RBPJ: variants seen among roughly 807,000 people sequenced by gnomAD.
RBPJ encodes the protein recombining binding protein suppressor of hairless.
RBPJ carries 9 observed loss-of-function variants against 67.8 expected under a neutral mutation model. That is an observed-to-expected ratio of 0.13 (90% CI 0.08 to 0.23). The LOEUF (loss-of-function observed/expected upper bound fraction) is 0.23, where lower values mean the gene tolerates loss of function less well. Ranked by LOEUF, RBPJ falls within the 10% of genes least tolerant of loss-of-function variation. RBPJ has a pLI of 1.00. For synonymous variants in RBPJ, 198 were observed against 203.3 expected, an observed-to-expected ratio of 0.97 and a Z score of 0.22; for missense variants, 305 against 595.6, an observed-to-expected ratio of 0.51 and a Z score of 5.08.
chr4:26,406,372 C>T (rs1222554004), intron 3 of RBPJ, 102 bp downstream of exon 3: 1 of 723,302 alleles, frequency 1.4e-6, no homozygotes, highest in African/African-American at 1.8e-5. Context: ...TTACTGGGTT[C>T]ATTTGCTAGT....
intron 1 of RBPJ, among the ~76,000 whole-genome samples, chr4:26,226,798 C>T (rs762966786): frequency 3.3e-5 from 5 of 152,104 alleles, no homozygotes; most frequent in Non-Finnish European, 7.3e-5. Flanking sequence ...ATGGATACCA[C>T]ACATAACCAA....
At chr4:26,252,339 T>G (rs1306574599) in intron 1 of RBPJ, among the ~76,000 whole-genome samples, 2 of 152,180 alleles carry the variant, frequency 1.3e-5, no homozygotes, top group Non-Finnish European at 2.9e-5. Context: ...GTCATGCATG[T>G]AGTCCCAGCA....
chr4:26,145,031 T>TTC, the RBPJ span, among the ~76,000 whole-genome samples: 3 of 139,964 alleles, frequency 2.1e-5, no homozygotes, highest in Non-Finnish European at 3.1e-5. Context: ...TCTTCTTCTT[T>TTC]TTTTTTTTTT....
chr4:26,256,357 T>C (rs868845093), intron 1 of RBPJ, among the ~76,000 whole-genome samples: 18 of 152,100 alleles, frequency 1.2e-4, no homozygotes, highest in African/African-American at 4.3e-4. Context: ...ACTGACAGGA[T>C]TGATGAAAAC....
At chr4:26,217,815 G>C (rs1718766842) in intron 1 of RBPJ, among the ~76,000 whole-genome samples, 1 of 152,178 alleles carries the variant, frequency 6.6e-6, no homozygotes, top group South Asian at 2.1e-4. Context: ...AGCTGGGGCT[G>C]TCTTCAGAGT....
chr4:26,405,995 A>G (rs1157450646), intron 2 of RBPJ, among the ~76,000 whole-genome samples, 180 bp from the exon 3 acceptor site: 1 of 152,218 alleles, frequency 6.6e-6, no homozygotes, highest in Middle Eastern at 3.2e-3. Context: ...TATTCATTGT[A>G]TCATTGTATA....
intron 1 of RBPJ, among the ~76,000 whole-genome samples, chr4:26,216,675 G>A (rs1262579150): frequency 6.6e-6 from 1 of 152,162 alleles, no homozygotes; most frequent in East Asian, 1.9e-4. Flanking sequence ...AGCATTTTGG[G>A]AGGCTGAGGC....
intron 1 of RBPJ, among the ~76,000 whole-genome samples, chr4:26,231,829 G>A (rs562499742): frequency 1.8e-4 from 27 of 150,664 alleles, no homozygotes; most frequent in African/African-American, 5.6e-4. Context: ...GATTATAAGC[G>A]TGAGCCACTG....
At chr4:26,295,320 C>T (rs1384181861) in intron 1 of RBPJ, among the ~76,000 whole-genome samples, 3 of 151,530 alleles carry the variant, frequency 2.0e-5, no homozygotes, top group East Asian at 1.9e-4. Flanking sequence ...CATGCACATA[C>T]GTGTGAGGGA....
intron 2 of RBPJ, among the ~76,000 whole-genome samples, chr4:26,399,781 G>A (rs1013255153): frequency 8.5e-5 from 13 of 152,054 alleles, no homozygotes; most frequent in African/African-American, 2.2e-4. Context: ...CGCCTCCTGG[G>A]TTCAAGCAAT....
chr4:26,379,156 C>G (rs1577563969), intron 1 of RBPJ, among the ~76,000 whole-genome samples: 1 of 152,116 alleles, frequency 6.6e-6, no homozygotes, highest in Non-Finnish European at 1.5e-5. Flanking sequence ...TCTTTGAAAT[C>G]TACCCCATAG....
At position 26,264,845 on chromosome 4, in the gene RBPJ, A is replaced by T. The variant is rs1487413002; in HGVS notation, c.-166-97601A>T. ...CCTTAAGTTATTGTAGAGGCAAAGA[A>T]AATTTCCTTCTCCTTTTGAAGGTTC... On this transcript the variant is annotated intron_variant, in intron 1 of 4. Transcript: ENST00000512351. This position sits in a 1 kb window ranked among gnomAD's most constrained non-coding sequence, Gnocchi z 4.1. 2.0e-5 allele frequency among the ~76,000 whole-genome samples: 3 copies of T among 152,194 alleles called. No homozygotes were observed.
chr4:26,392,654 G>A (rs895256288), intron 2 of RBPJ, among the ~76,000 whole-genome samples: 1 of 152,218 alleles, frequency 6.6e-6, no homozygotes, highest in Admixed American at 6.5e-5. Flanking sequence ...GTGGTTTCCT[G>A]GGGATAGGGG....
rs1024158447 is a variant in RBPJ at position 26,434,450 on chromosome 4, G to C, written c.*3443G>C. 2.0e-5 allele frequency: 3 copies of C among 151,958 alleles called. No homozygotes were observed. The East Asian group carries it at 5.8e-4, about 29-fold the overall frequency. 9.4% of individuals were successfully genotyped at this position (151,958 alleles called of 1,614,324 possible). On this transcript the variant is annotated 3_prime_UTR_variant, in exon 11 of 11. Coordinates refer to ENST00000355476, the MANE Select transcript of RBPJ (RefSeq NM_015874.6). ...CCAAGTTACTTTGATTGCAAAAGCA[G>C]CTGTGTTTCTGATAAGTACTGAACA...
chr4:26,427,115 C>T (rs1002388829), intron 7 of RBPJ, among the ~76,000 whole-genome samples: 7 of 152,110 alleles, frequency 4.6e-5, no homozygotes, highest in African/African-American at 1.7e-4. Context: ...TTGATGCTAT[C>T]TTAGACCCAG....
the RBPJ span, among the ~76,000 whole-genome samples, chr4:26,109,477 T>TACAC: frequency 1.9e-5 from 1 of 53,006 alleles, no homozygotes; most frequent in African/African-American, 1.0e-4. Context: ...TATATATATA[T>TACAC]ATATATATAT....
At chr4:26,113,363 A>T in the RBPJ span, 1 of 542,572 alleles carries the variant, frequency 1.8e-6, no homozygotes. Flanking sequence ...GGAGAAGTCA[A>T]ACTTCACTCA....
chr4:26,187,264 C>A (rs545061641), intron 1 of RBPJ, among the ~76,000 whole-genome samples: 1 of 152,268 alleles, frequency 6.6e-6, no homozygotes, highest in African/African-American at 2.4e-5. Context: ...CAAGCTTTTT[C>A]TTTTACGGTC....
chr4:26,257,205 A>G (rs1396443007), intron 1 of RBPJ, among the ~76,000 whole-genome samples: 1 of 152,262 alleles, frequency 6.6e-6, no homozygotes, highest in East Asian at 1.9e-4. Context: ...AATAACAATC[A>G]TGATTGCTAT....
Sources: allele counts gnomAD v4.1 joint callset (sites outside exome capture counted in the v4.1 genomes callset), GRCh38; gene constraint gnomAD v4.1.1; non-coding constraint Gnocchi (gnomAD v3.1); transcripts MANE v1.5; gene names NCBI Gene and HGNC (gene_info 2026-07-23, HGNC 2026-07-21).